NCKAP1: variants seen among roughly 807,000 people sequenced by gnomAD.
NCKAP1 encodes NCK associated protein 1, also known as nck-associated protein 1.
A neutral mutation model predicts 151.2 loss-of-function variants in NCKAP1; 21 were observed. The ratio of observed to expected loss-of-function variants is 0.14; its 90% CI spans 0.10 to 0.20. NCKAP1 has a LOEUF of 0.20. Among genes scored for constraint, NCKAP1 ranks in the 10% least tolerant of loss-of-function variants. The probability of loss-of-function intolerance (pLI) is 1.00; values close to 1 mark genes in which losing one functional copy is unlikely to be tolerated. For synonymous variants in NCKAP1, 484 were observed against 451.8 expected (o/e 1.07, Z -0.90); for missense variants, 933 against 1,352.1 (o/e 0.69, Z 4.86).
intron 23 of NCKAP1, among the ~76,000 whole-genome samples, chr2:182,946,603 GA>G (rs77773145): frequency 0.045 from 6,551 of 144,972 alleles, 193 homozygotes; most frequent in South Asian, 0.14. Flanking sequence ...AAGTTGGAAA[GA>G]AAAAAAAAAT....
chr2:183,032,447 C>CCTA (rs1323223025), intron 1 of NCKAP1, among the ~76,000 whole-genome samples: 2 of 152,126 alleles, frequency 1.3e-5, no homozygotes, highest in Admixed American at 1.3e-4. Flanking sequence ...GATGGTATAG[C>CCTA]CTACTATACA....
chr2:182,973,270 T>G (rs1021023542), intron 15 of NCKAP1, among the ~76,000 whole-genome samples: 5 of 152,064 alleles, frequency 3.3e-5, no homozygotes, highest in Non-Finnish European at 7.4e-5. Context: ...AACAAGATAA[T>G]GATTTAACTG....
rs774527111 is a variant in NCKAP1 at position 182,995,704 on chromosome 2, G to A, written c.738C>T (p.Asp246=). 9.3e-6 allele frequency: 15 copies of A among 1,613,444 alleles called. No individual in the cohort carries two copies. The Admixed American group carries it at 2.5e-4, about 27-fold the overall frequency. ...AAAGAGAAAAATAGAACCATACAGT[G>A]TCGGACTGTGCTGGATTAAGCATTG... ...PSTMLNPAQS[D]TMPCEYLSLD... is the part of the protein sequence containing the mutation. The change falls in exon 7 of 31, where the codon GAC becomes GAT. Residue 246 remains aspartate, a synonymous_variant. Transcript: ENST00000361354.
At position 182,962,346 on chromosome 2, in the gene NCKAP1, A is replaced by G. The variant is rs1697472259; in HGVS notation, c.1762-68T>C. ...AGTACGTTGAATTAAAAAGACTTCTAAATAGACATGGAAAATTAGGCTAAA... is the reference window on the plus strand; with the variant it reads ...AGTACGTTGAATTAAAAAGACTTCTGAATAGACATGGAAAATTAGGCTAAA... On this transcript the variant is annotated intron_variant, in intron 17 of 30. Coordinates refer to ENST00000361354, the MANE Select transcript of NCKAP1 (RefSeq NM_013436.5). The G allele has an allele frequency of 5.0e-6, 7 of 1,397,522 alleles. No individual in the cohort carries two copies. In the South Asian group the frequency reaches 1.0e-4, roughly 20 times the overall value. The allele number at this position is 1,397,522 out of a possible 1,614,324, so 86.6% of individuals were successfully genotyped here. A position where few individuals can be genotyped will look rare whatever the true frequency, so the allele number is the denominator to read the frequency against.
chr2:183,017,873 A>G (rs1202893678), intron 2 of NCKAP1, among the ~76,000 whole-genome samples: 2 of 152,210 alleles, frequency 1.3e-5, no homozygotes, highest in Non-Finnish European at 2.9e-5. Flanking sequence ...TTCAAGAGCA[A>G]TTTGTCACAC....
chr2:182,933,856 AC>A (rs1696815805), intron 26 of NCKAP1, among the ~76,000 whole-genome samples: 1 of 151,884 alleles, frequency 6.6e-6, no homozygotes, highest in African/African-American at 2.4e-5. Context: ...ACAAATGTAA[AC>A]CCCGATATAT....
At position 182,930,863 on chromosome 2, in the gene NCKAP1, T is replaced by C. The variant is rs906381795; in HGVS notation, c.2860-75A>G. On this transcript the variant is annotated intron_variant, in intron 26 of 30. Coordinates refer to ENST00000361354, the MANE Select transcript of NCKAP1 (RefSeq NM_013436.5). ...TGAGAAAGCTCACTGTTTATTAGAG[T>C]CTGCCTAGAAGAACACCAGAGAATT... is the stretch of plus-strand genomic sequence containing the variant. 6.1e-6 allele frequency: 8 copies of C among 1,308,022 alleles called. No individual in the cohort carries two copies. The African/African-American group carries it at 1.2e-4, about 19-fold the overall frequency. The allele number at this position is 1,308,022 out of a possible 1,614,324, so 81.0% of individuals were successfully genotyped here. A position where few individuals can be genotyped will look rare whatever the true frequency, so the allele number is the denominator to read the frequency against.
intron 1 of NCKAP1, among the ~76,000 whole-genome samples, chr2:183,037,203 G>A (rs1176786350): frequency 6.6e-6 from 1 of 152,178 alleles, no homozygotes; most frequent in African/African-American, 2.4e-5. Flanking sequence ...ATCAGACTAT[G>A]CTATAAATCA....
rs779264743 is a variant in NCKAP1 at position 182,910,949 on chromosome 2, C to CACA, written c.*14752_*14753insTGT. The CACA allele has an allele frequency of 1.7e-5, 1 of 58,708 alleles. No homozygotes were observed. Among genetic ancestry groups the CACA allele is most frequent in the East Asian group, 3.6e-3 (1 of 276 alleles). The allele number at this position is 58,708 out of a possible 1,614,324, so 3.6% of individuals were successfully genotyped here. On this transcript the variant is annotated 3_prime_UTR_variant, in exon 31 of 31. Transcript: ENST00000361354. ...TTGGAAATAAAAATAAAATCCTAAGCTCCCCCCCCACATTTGACTAAACAG... is the reference window on the plus strand; with the variant it reads ...TTGGAAATAAAAATAAAATCCTAAGCACATCCCCCCCCACATTTGACTAAACAG...
In NCKAP1 at chr2:182,926,771, G is replaced by T; in HGVS notation, c.3270+45C>A. On this transcript the variant is annotated intron_variant, in intron 30 of 30. Coordinates refer to ENST00000361354, the MANE Select transcript of NCKAP1 (RefSeq NM_013436.5). ...ATGCCAAGAAAAGATTCTCAGGAAC[G>T]ACTGGAACTTTTTTATTGTTAGTAA... The T allele has an allele frequency of 2.3e-6, 3 of 1,304,158 alleles. No homozygotes were observed. In the South Asian group the frequency reaches 3.9e-5, roughly 17 times the overall value. 80.8% of individuals were successfully genotyped at this position (1,304,158 alleles called of 1,614,324 possible).
chr2:182,982,032 T>C (rs1368816614), intron 12 of NCKAP1, among the ~76,000 whole-genome samples: 1 of 152,016 alleles, frequency 6.6e-6, no homozygotes, highest in Non-Finnish European at 1.5e-5. Flanking sequence ...TATGCTCTTA[T>C]TTCTCTGCTC....
intron 2 of NCKAP1, 76 bp downstream of exon 2, chr2:183,023,730 C>A (rs1698837829): frequency 5.2e-6 from 6 of 1,151,018 alleles, no homozygotes; most frequent in Non-Finnish European, 7.7e-6. Context: ...ATAAGAGCTA[C>A]TATAAGCACT....
At chr2:183,002,495 A>G (rs1049571200) in intron 4 of NCKAP1, among the ~76,000 whole-genome samples, 14 of 152,264 alleles carry the variant, frequency 9.2e-5, no homozygotes, top group Non-Finnish European at 1.8e-4. Flanking sequence ...AGAGCTTGTG[A>G]TCACTATATT....
intron 23 of NCKAP1, among the ~76,000 whole-genome samples, chr2:182,944,485 A>C (rs1697059113): frequency 6.6e-6 from 1 of 152,176 alleles, no homozygotes; most frequent in Admixed American, 6.5e-5. Flanking sequence ...CTCAACGCGC[A>C]CAACCCCAAA....
intron 2 of NCKAP1, among the ~76,000 whole-genome samples, chr2:183,004,399 G>A (rs1200882168): frequency 6.6e-6 from 1 of 150,402 alleles, no homozygotes; most frequent in Non-Finnish European, 1.5e-5. Context: ...GAACCACTAT[G>A]GTAAGTCAGA....
chr2:182,956,381 T>C, intron 20 of NCKAP1, 81 bp downstream of exon 20: 1 of 1,508,726 alleles, frequency 6.6e-7, no homozygotes, highest in South Asian at 1.2e-5. Context: ...TACTAATGCT[T>C]TTCCTTATAA....
rs2105788196 is a variant in NCKAP1 at position 182,916,723 on chromosome 2, C to T, written c.*8979G>A. 1 of 152,258 alleles carries T rather than the reference C, an allele frequency of 6.6e-6. No homozygotes were observed. The highest frequency in any genetic ancestry group is 1.9e-4 in the East Asian group (1 of 5,188). The allele number at this position is 152,258 out of a possible 1,614,324, so 9.4% of individuals were successfully genotyped here. Reference sequence around the variant, plus strand: ...GCAATTGTCGCAATTGTTCTGGATACTGCAATAACATTTGAAAATACAAGC... The same window carrying T: ...GCAATTGTCGCAATTGTTCTGGATATTGCAATAACATTTGAAAATACAAGC... On this transcript the variant is annotated 3_prime_UTR_variant, in exon 31 of 31. Coordinates refer to ENST00000361354, the MANE Select transcript of NCKAP1 (RefSeq NM_013436.5).
chr2:182,932,145 G>A (rs574339062), intron 26 of NCKAP1, among the ~76,000 whole-genome samples: 8 of 152,158 alleles, frequency 5.3e-5, no homozygotes, highest in South Asian at 4.2e-4. Context: ...AATAATACAC[G>A]TTCACACATT....
chr2:183,028,259 T>C (rs1698936332), intron 1 of NCKAP1, among the ~76,000 whole-genome samples: 1 of 151,998 alleles, frequency 6.6e-6, no homozygotes, highest in African/African-American at 2.4e-5. Flanking sequence ...ATGCATAAAG[T>C]ACAGAATTGA....
Sources: allele counts gnomAD v4.1 joint callset (sites outside exome capture counted in the v4.1 genomes callset), GRCh38; gene constraint gnomAD v4.1.1; transcripts MANE v1.5; gene names NCBI Gene and HGNC (gene_info 2026-07-23, HGNC 2026-07-21).